NEK7: variants seen among roughly 807,000 people sequenced by gnomAD.
The protein encoded by NEK7 is serine/threonine-protein kinase Nek7.
In NEK7, 18 loss-of-function variants were observed where a neutral mutation model predicts 44.6. That is an observed-to-expected ratio of 0.40 (90% CI 0.28 to 0.60). NEK7 has a LOEUF of 0.60. Ranked by LOEUF, NEK7 falls within the 20% of genes least tolerant of loss-of-function variation. The pLI, the probability that NEK7 is intolerant of heterozygous loss-of-function variation, is 0.38. For synonymous variants in NEK7, 130 were observed against 121.1 expected, an observed-to-expected ratio of 1.07 and a Z score of -0.48; for missense variants, 256 against 366.5, an observed-to-expected ratio of 0.70 and a Z score of 2.46.
At chr1:198,222,845 C>G (rs531520517) in intron 1 of NEK7, among the ~76,000 whole-genome samples, 12 of 143,180 alleles carry the variant, frequency 8.4e-5, no homozygotes, top group African/African-American at 2.9e-4. Context: ...AATTGCTGTG[C>G]AGAAACTAAA....
intron 1 of NEK7, among the ~76,000 whole-genome samples, chr1:198,183,941 C>A (rs1461020070): frequency 1.3e-5 from 2 of 152,108 alleles, no homozygotes; most frequent in African/African-American, 4.8e-5. Context: ...TTTATCCTAA[C>A]AAATATTGTA....
intron 1 of NEK7, among the ~76,000 whole-genome samples, chr1:198,215,930 A>C (rs1665906201): frequency 6.6e-6 from 1 of 152,114 alleles, no homozygotes; most frequent in Non-Finnish European, 1.5e-5. Context: ...ACTAGATTAA[A>C]GAAAAGAGAT....
chr1:198,238,795 A>G (rs952737108), intron 2 of NEK7, among the ~76,000 whole-genome samples: 6 of 152,208 alleles, frequency 3.9e-5, no homozygotes, highest in African/African-American at 4.8e-5. Context: ...AGAAATCTCA[A>G]ACATTCCTTG....
chr1:198,194,731 G>T (rs1665184663), intron 1 of NEK7, among the ~76,000 whole-genome samples: 1 of 152,068 alleles, frequency 6.6e-6, no homozygotes, highest in Non-Finnish European at 1.5e-5. Context: ...TGGCCATTTA[G>T]GTTGATTCTA....
At chr1:198,187,681 G>T (rs1664961388) in intron 1 of NEK7, among the ~76,000 whole-genome samples, 1 of 152,170 alleles carries the variant, frequency 6.6e-6, no homozygotes, top group African/African-American at 2.4e-5. Flanking sequence ...AATTCAGTTG[G>T]TGAGAATCCA....
intron 1 of NEK7, among the ~76,000 whole-genome samples, chr1:198,228,542 A>C (rs923593765): frequency 1.1e-4 from 16 of 151,668 alleles, no homozygotes; most frequent in Non-Finnish European, 1.8e-4. Context: ...CTTTTATTTC[A>C]TTGAACAGTG....
At chr1:198,199,249 G>A (rs1281007165) in intron 1 of NEK7, among the ~76,000 whole-genome samples, 1 of 152,238 alleles carries the variant, frequency 6.6e-6, no homozygotes, top group Non-Finnish European at 1.5e-5. Flanking sequence ...TCCCCTGGGG[G>A]CATTCTGCAG....
intron 1 of NEK7, among the ~76,000 whole-genome samples, chr1:198,159,231 C>G (rs1207617950): frequency 6.6e-6 from 1 of 152,024 alleles, no homozygotes. Context: ...CGGAGAAGGC[C>G]GCGTTAGTTC....
At chr1:198,215,276 CAA>C (rs1227468702) in intron 1 of NEK7, among the ~76,000 whole-genome samples, 1 of 152,026 alleles carries the variant, frequency 6.6e-6, no homozygotes. Context: ...ATGAAGAGAA[CAA>C]AGTCACTAGG....
intron 9 of NEK7, among the ~76,000 whole-genome samples, chr1:198,305,705 C>T (rs568194046): frequency 8.5e-5 from 13 of 152,236 alleles, no homozygotes; most frequent in Admixed American, 7.2e-4. Flanking sequence ...AAATATATCC[C>T]TCACAGATAA....
intron 8 of NEK7, among the ~76,000 whole-genome samples, chr1:198,295,288 A>G (rs1450813860): frequency 1.3e-5 from 2 of 152,098 alleles, no homozygotes; most frequent in Non-Finnish European, 2.9e-5. Flanking sequence ...AAAAAAAAAG[A>G]GAGCTGCCAC....
chr1:198,319,256 G>T (rs1655466680), intron 9 of NEK7, among the ~76,000 whole-genome samples, 156 bp from the exon 10 acceptor site: 1 of 152,118 alleles, frequency 6.6e-6, no homozygotes, highest in Non-Finnish European at 1.5e-5. Context: ...TAAGATCATT[G>T]GCAGCAGTCT....
intron 7 of NEK7, among the ~76,000 whole-genome samples, chr1:198,285,969 A>G (rs1654354709): frequency 6.6e-6 from 1 of 152,164 alleles, no homozygotes; most frequent in Non-Finnish European, 1.5e-5. Context: ...GAAAATTCTA[A>G]GCAGAGAGAT....
chr1:198,275,405 T>G (rs946612304), intron 5 of NEK7, among the ~76,000 whole-genome samples: 4 of 151,338 alleles, frequency 2.6e-5, no homozygotes, highest in African/African-American at 7.2e-5. Flanking sequence ...ATACCAACTT[T>G]TAGATGGATT....
chr1:198,206,113 C>CT (rs1308606625), intron 1 of NEK7, among the ~76,000 whole-genome samples: 1 of 151,800 alleles, frequency 6.6e-6, no homozygotes, highest in Non-Finnish European at 1.5e-5. Flanking sequence ...TTTTTGAGTT[C>CT]TATTAATATG....
intron 1 of NEK7, among the ~76,000 whole-genome samples, chr1:198,210,041 GC>G (rs1558057419): frequency 6.6e-6 from 1 of 152,058 alleles, no homozygotes; most frequent in African/African-American, 2.4e-5. Context: ...TAGGCAGTCC[GC>G]CTGCCTGGGC....
intron 1 of NEK7, among the ~76,000 whole-genome samples, chr1:198,231,314 T>C (rs957321589): frequency 5.8e-5 from 8 of 136,818 alleles, no homozygotes; most frequent in Admixed American, 5.1e-4. Flanking sequence ...TATATATATA[T>C]ATATATATAT....
intron 1 of NEK7, among the ~76,000 whole-genome samples, chr1:198,199,277 G>A (rs1478604885): frequency 1.3e-5 from 2 of 152,210 alleles, no homozygotes; most frequent in Non-Finnish European, 2.9e-5. Context: ...AGCCCTTCAG[G>A]AAGTGGTGTA....
intron 9 of NEK7, among the ~76,000 whole-genome samples, chr1:198,305,701 A>C (rs112498621): frequency 1.6e-4 from 25 of 152,190 alleles, no homozygotes; most frequent in African/African-American, 5.1e-4. Flanking sequence ...ATTTAAATAT[A>C]TCCCTCACAG....
Sources: allele counts gnomAD v4.1 joint callset (sites outside exome capture counted in the v4.1 genomes callset), GRCh38; gene constraint gnomAD v4.1.1; transcripts MANE v1.5; gene names NCBI Gene and HGNC (gene_info 2026-07-23, HGNC 2026-07-21).